ABCB11: variants seen among roughly 807,000 people sequenced by gnomAD.
The protein encoded by ABCB11 is bile salt export pump.
ABCB11 carries 95 observed loss-of-function variants against 148.0 expected under a neutral mutation model. The observed-to-expected ratio is 0.64, with a 90% CI of 0.54 to 0.76. The LOEUF (loss-of-function observed/expected upper bound fraction) is 0.76. ABCB11 is among the 30% of genes least tolerant of loss of function. The probability of loss-of-function intolerance (pLI) is 0.00; values close to 1 mark genes in which losing one functional copy is unlikely to be tolerated. For synonymous variants in ABCB11, 591 were observed against 555.4 expected, an observed-to-expected ratio of 1.06 and a Z score of -0.90; for missense variants, 1,523 against 1,617.8, an observed-to-expected ratio of 0.94 and a Z score of 1.01.
At chr2:168,974,526 C>A (rs1199924877) in intron 12 of ABCB11, among the ~76,000 whole-genome samples, 1 of 151,930 alleles carries the variant, frequency 6.6e-6, no homozygotes, top group East Asian at 1.9e-4. Flanking sequence ...CCTTTCATTT[C>A]ACACTAGGAG....
chr2:168,933,841 T>A (rs1691696405), intron 23 of ABCB11, among the ~76,000 whole-genome samples: 1 of 152,066 alleles, frequency 6.6e-6, no homozygotes, highest in Admixed American at 6.5e-5. Flanking sequence ...GCCTCCTGGG[T>A]TCAAGCGATT....
intron 5 of ABCB11, among the ~76,000 whole-genome samples, chr2:168,998,696 A>G (rs1694789926): frequency 2.6e-5 from 4 of 152,114 alleles, no homozygotes; most frequent in Admixed American, 2.0e-4. Context: ...TTACAAACAT[A>G]TGTGGATTAA....
chr2:168,968,790 CAA>C (rs4148788), intron 16 of ABCB11, among the ~76,000 whole-genome samples: 6 of 148,248 alleles, frequency 4.0e-5, no homozygotes, highest in African/African-American at 1.5e-4. Flanking sequence ...TCAGAAGTAG[CAA>C]AAAAAAAATG....
intron 23 of ABCB11, 72 bp downstream of exon 23, chr2:168,935,112 G>T: frequency 6.3e-7 from 1 of 1,580,826 alleles, no homozygotes; most frequent in Non-Finnish European, 8.6e-7. Flanking sequence ...GCAGCAAAAA[G>T]CTAACTGACA....
intron 10 of ABCB11, among the ~76,000 whole-genome samples, chr2:168,981,788 T>G (rs1323112730): frequency 2.0e-5 from 3 of 152,102 alleles, no homozygotes; most frequent in Non-Finnish European, 4.4e-5. Context: ...GGCTCTGAAG[T>G]AATTACTCAG....
chr2:168,949,614 G>C (rs1692471601), intron 19 of ABCB11, among the ~76,000 whole-genome samples: 1 of 151,588 alleles, frequency 6.6e-6, no homozygotes, highest in African/African-American at 2.4e-5. Context: ...AATTTAGATT[G>C]ATTCTGTGTC....
chr2:168,973,934 G>A (rs1400344222), intron 12 of ABCB11, 94 bp from the exon 13 acceptor site: 10 of 1,421,764 alleles, frequency 7.0e-6, no homozygotes, highest in Non-Finnish European at 9.6e-6. Flanking sequence ...GTTGATACTC[G>A]GTGTCTGTGT....
chr2:169,009,332 T>C (rs1695111703), intron 5 of ABCB11, among the ~76,000 whole-genome samples: 1 of 152,036 alleles, frequency 6.6e-6, no homozygotes, highest in Non-Finnish European at 1.5e-5. Context: ...CCAACCCAAA[T>C]GTCCAACAGT....
intron 18 of ABCB11, among the ~76,000 whole-genome samples, chr2:168,961,979 T>G: frequency 6.6e-6 from 1 of 151,754 alleles, no homozygotes; most frequent in East Asian, 2.0e-4. Flanking sequence ...AGTATTAAAA[T>G]ACTTTAAAAT....
intron 14 of ABCB11, 147 bp downstream of exon 14, chr2:168,971,700 C>T (rs1693583169): frequency 1.4e-6 from 1 of 705,004 alleles, no homozygotes; most frequent in Non-Finnish European, 2.4e-6. Context: ...AGGAAACACT[C>T]ATGGTACTTT....
intron 11 of ABCB11, among the ~76,000 whole-genome samples, chr2:168,977,792 T>C (rs1693974934): frequency 6.6e-6 from 1 of 152,170 alleles, no homozygotes; most frequent in African/African-American, 2.4e-5. Context: ...AAACTGCCAC[T>C]TTAAAACCGT....
At chr2:169,024,061 G>A (rs1283141342) in intron 1 of ABCB11, among the ~76,000 whole-genome samples, 3 of 152,142 alleles carry the variant, frequency 2.0e-5, no homozygotes, top group Non-Finnish European at 4.4e-5. Flanking sequence ...GCAGTGGGGA[G>A]AGCATTAGGA....
At chr2:168,999,239 CT>C (rs1694804764) in intron 5 of ABCB11, among the ~76,000 whole-genome samples, 1 of 150,818 alleles carries the variant, frequency 6.6e-6, no homozygotes, top group Admixed American at 6.6e-5. Context: ...ACTTATTTTG[CT>C]TTTTTGTTTC....
chr2:168,994,519 AC>A (rs1694652958), intron 7 of ABCB11, among the ~76,000 whole-genome samples: 1 of 152,050 alleles, frequency 6.6e-6, no homozygotes, highest in Non-Finnish European at 1.5e-5. Flanking sequence ...AATAGAACCT[AC>A]CCCAATGGGT....
Position 168,958,069 on chromosome 2 carries a change from T to G in ABCB11, c.2238A>C (p.Lys746Asn). 1 of 1,611,464 alleles carries G rather than the reference T, an allele frequency of 6.2e-7. No homozygotes were observed. The highest frequency in any genetic ancestry group is 8.5e-7 in the Non-Finnish European group (1 of 1,178,326). ...VEPAPVRRILKFSAPEWPYML... is the reference protein window; with the variant it reads ...VEPAPVRRILNFSAPEWPYML... ...TGTAGGGCCATTCTGGAGCACTGAA[T>G]TTCAGAATCCTCCTAACTGGGGCAG... The change falls in exon 19 of 28, where the codon AAA (lysine) becomes AAC (asparagine). Residue 746 changes from lysine to asparagine, a missense_variant. Coordinates refer to ENST00000650372, the MANE Select transcript of ABCB11 (RefSeq NM_003742.4).
Position 169,013,288 on chromosome 2 carries a change from T to A in ABCB11, c.373A>T (p.Asn125Tyr), listed in dbSNP as rs1558927172. The A allele has an allele frequency of 1.9e-6, 3 of 1,610,076 alleles. No homozygotes were observed. Among genetic ancestry groups the A allele is most frequent in the Non-Finnish European group, 2.5e-6 (3 of 1,177,528 alleles). The change falls in exon 5 of 28, where the codon AAT becomes TAT. Residue 125 changes from asparagine to tyrosine, a missense_variant. Coordinates refer to ENST00000650372, the MANE Select transcript of ABCB11 (RefSeq NM_003742.4). ...ACAACCTACCCACAACGTGTTCCAT[T>A]TGTCATGTTCTGGTTGAGGGAACTG... is the stretch of plus-strand genomic sequence containing the variant. ...TNSSLNQNMT[N>Y]GTRCGLLNIE...
At chr2:168,928,866 A>T (rs2105885424) in intron 25 of ABCB11, among the ~76,000 whole-genome samples, 1 of 152,282 alleles carries the variant, frequency 6.6e-6, no homozygotes, top group East Asian at 1.9e-4. Context: ...ACCTCAACTT[A>T]ATAACAGAAG....
intron 21 of ABCB11, among the ~76,000 whole-genome samples, chr2:168,938,474 T>C (rs1306107726): frequency 1.3e-5 from 2 of 152,098 alleles, no homozygotes; most frequent in Admixed American, 1.3e-4. Flanking sequence ...AGTAGTCAGG[T>C]TCATAGACAC....
intron 14 of ABCB11, 119 bp from the exon 15 acceptor site, chr2:168,970,334 G>T (rs553538675): frequency 3.9e-6 from 6 of 1,540,316 alleles, no homozygotes; most frequent in Non-Finnish European, 4.4e-6. Flanking sequence ...TCACTGCTCC[G>T]ACTTCCACTG....
Sources: gnomAD v4.1 joint callset for allele counts (sites outside exome capture counted in the v4.1 genomes callset) on GRCh38, gnomAD v4.1.1 for gene constraint, MANE v1.5 for transcripts, NCBI Gene and HGNC (gene_info 2026-07-23, HGNC 2026-07-21) for gene names.